Variants in NTF3 observed in about 807,000 individuals in gnomAD.
NTF3 encodes the protein neurotrophin 3, also known as neurotrophin-3.
A neutral mutation model predicts 26.3 loss-of-function variants in NTF3; 8 were observed. The observed-to-expected ratio is 0.30, with a 90% CI of 0.18 to 0.55. The LOEUF (loss-of-function observed/expected upper bound fraction) is 0.55, where lower values mean the gene tolerates loss of function less well. NTF3 is among the 20% of genes least tolerant of loss of function. The pLI is 0.93. For synonymous variants in NTF3, 154 were observed against 145.5 expected (o/e 1.06, Z -0.42); for missense variants, 276 against 352.9 (o/e 0.78, Z 1.75).
chr12:5,482,103 T>C (rs1420399503), intron 1 of NTF3, among the ~76,000 whole-genome samples: 1 of 151,770 alleles, frequency 6.6e-6, no homozygotes. Flanking sequence ...ACTACATACA[T>C]AGAGACATAC....
At chr12:5,448,183 C>CT (rs1387947629) in intron 1 of NTF3, among the ~76,000 whole-genome samples, 1 of 152,204 alleles carries the variant, frequency 6.6e-6, no homozygotes, top group East Asian at 1.9e-4. Flanking sequence ...TGTCCCCTGC[C>CT]TTTTTTGTTT....
chr12:5,491,529 A>G (rs986692418), intron 1 of NTF3, among the ~76,000 whole-genome samples: 2 of 152,076 alleles, frequency 1.3e-5, no homozygotes, highest in African/African-American at 4.8e-5. Flanking sequence ...CAGCTTTGGA[A>G]CCAGGCACTG....
chr12:5,468,898 A>T (rs1940627503), intron 1 of NTF3, among the ~76,000 whole-genome samples: 1 of 152,306 alleles, frequency 6.6e-6, no homozygotes. Flanking sequence ...AGGCAGGTGG[A>T]TCGCTTTAGC....
At chr12:5,468,566 ATATGAGG>A (rs1565391846) in intron 1 of NTF3, among the ~76,000 whole-genome samples, 1 of 152,206 alleles carries the variant, frequency 6.6e-6, no homozygotes, top group Non-Finnish European at 1.5e-5. Context: ...GAAAGAAAAG[ATATGAGG>A]CAGCCCAGGG....
At chr12:5,435,072 C>T (rs908345553) in intron 1 of NTF3, among the ~76,000 whole-genome samples, 5 of 152,080 alleles carry the variant, frequency 3.3e-5, no homozygotes, top group Admixed American at 1.3e-4. Flanking sequence ...GAGGGATGTA[C>T]ATTTAAGGGG....
chr12:5,435,890 G>A (rs1170290298), intron 1 of NTF3, among the ~76,000 whole-genome samples: 2 of 152,170 alleles, frequency 1.3e-5, no homozygotes, highest in Non-Finnish European at 1.5e-5. Context: ...GAAAACTAGC[G>A]AGGTGGATAG....
intron 1 of NTF3, among the ~76,000 whole-genome samples, chr12:5,466,054 G>A (rs1940585301): frequency 6.6e-6 from 1 of 152,188 alleles, no homozygotes; most frequent in African/African-American, 2.4e-5. Context: ...TGCCCAATGT[G>A]TCTCAGCCTC....
At chr12:5,493,538 A>G (rs1339497937) in intron 1 of NTF3, among the ~76,000 whole-genome samples, 4 of 152,106 alleles carry the variant, frequency 2.6e-5, no homozygotes, top group African/African-American at 9.7e-5. Flanking sequence ...ATGCGTATGT[A>G]TCAGAAAGCT....
chr12:5,450,655 C>T (rs559438190), intron 1 of NTF3, among the ~76,000 whole-genome samples: 2 of 152,294 alleles, frequency 1.3e-5, no homozygotes, highest in African/African-American at 2.4e-5. Context: ...GCCCTCTGTA[C>T]GTGATCTCAG....
At position 5,432,136 on chromosome 12, in the gene NTF3, G is replaced by T; in HGVS notation, c.-189G>T. 2 of 690,802 alleles carry T rather than the reference G, an allele frequency of 2.9e-6. No individual in the cohort carries two copies. Among genetic ancestry groups the T allele is most frequent in the Admixed American group, 2.1e-5 (1 of 48,556 alleles). The allele number at this position is 690,802 out of a possible 1,614,324, so 42.8% of individuals were successfully genotyped here. On this transcript the variant is annotated 5_prime_UTR_variant, in exon 1 of 2. Coordinates refer to ENST00000423158, the MANE Select transcript of NTF3 (RefSeq NM_001102654.2). The stretch of plus-strand genomic sequence containing the variant: ...CAGAGTTGAAGCTCCTCTCCCTTCC[G>T]AACAGCTCCGCGCACCGCCCCGCGA...
In NTF3 at chr12:5,494,238, A is replaced by G; in HGVS notation, c.63A>G (p.Ile21Met). ...TGATGTCCATCTTGTTTTATGTGAT[A>G]TTTCTCGCTTATCTCCGTGGCATCC... ...NKVMSILFYV[I>M]FLAYLRGIQG... Residue 21 changes from isoleucine to methionine, a missense_variant, in exon 2 of 2, where the codon ATA becomes ATG. By Grantham distance (10) the Ile-to-Met change is conservative. Coordinates refer to ENST00000423158, the MANE Select transcript of NTF3 (RefSeq NM_001102654.2). The surrounding 1 kb of genome is among the most constrained non-coding windows in gnomAD (Gnocchi z 8.3). The G allele has an allele frequency of 6.2e-7, 1 of 1,614,080 alleles. No homozygotes were observed. The highest frequency in any genetic ancestry group is 8.5e-7 in the Non-Finnish European group (1 of 1,180,020).
chr12:5,469,607 C>G (rs574632417), intron 1 of NTF3, among the ~76,000 whole-genome samples: 1 of 152,286 alleles, frequency 6.6e-6, no homozygotes, highest in Non-Finnish European at 1.5e-5. Flanking sequence ...TAATCTAGAA[C>G]TAACCCTGAC....
At chr12:5,473,346 G>A (rs963391219) in intron 1 of NTF3, among the ~76,000 whole-genome samples, 1 of 152,174 alleles carries the variant, frequency 6.6e-6, no homozygotes, top group African/African-American at 2.4e-5. Context: ...AAATCCGGTA[G>A]TTACCTAGAG....
At chr12:5,492,909 C>T (rs1355393481) in intron 1 of NTF3, among the ~76,000 whole-genome samples, 1 of 152,174 alleles carries the variant, frequency 6.6e-6, no homozygotes, top group Non-Finnish European at 1.5e-5. Flanking sequence ...CTATTTTCCC[C>T]CTGGACTTAG....
chr12:5,476,135 TC>T (rs1940721181), intron 1 of NTF3, among the ~76,000 whole-genome samples: 1 of 152,124 alleles, frequency 6.6e-6, no homozygotes, highest in African/African-American at 2.4e-5. Context: ...TAATCACACT[TC>T]CTGGTTGACC....
chr12:5,434,419 G>A (rs1223006023), intron 1 of NTF3, among the ~76,000 whole-genome samples: 2 of 152,056 alleles, frequency 1.3e-5, no homozygotes, highest in Non-Finnish European at 2.9e-5. Context: ...TCTATGGAGT[G>A]AGATTGTGAC....
chr12:5,478,781 C>T (rs980065175), intron 1 of NTF3, among the ~76,000 whole-genome samples: 9 of 152,232 alleles, frequency 5.9e-5, no homozygotes, highest in East Asian at 3.8e-4. Flanking sequence ...CAGAAGAGCT[C>T]GTCTGTTGCC....
At position 5,432,304 on chromosome 12, in the gene NTF3, G is replaced by A. The variant is rs375527477; in HGVS notation, c.-21G>A. The A allele has an allele frequency of 2.5e-6, 4 of 1,613,328 alleles. No individual in the cohort carries two copies. The highest frequency in any genetic ancestry group is 3.4e-6 in the Non-Finnish European group (4 of 1,179,804). Reference sequence around the variant, plus strand: ...CCTTTCTCTTCATGTCGACGTCCCTGGAAACGGCCACACGGATGCCATGGT... The same window carrying A: ...CCTTTCTCTTCATGTCGACGTCCCTAGAAACGGCCACACGGATGCCATGGT... On this transcript the variant is annotated 5_prime_UTR_variant, in exon 1 of 2. Transcript: ENST00000423158.
chr12:5,467,898 A>G (rs192695678), intron 1 of NTF3, among the ~76,000 whole-genome samples: 2 of 152,130 alleles, frequency 1.3e-5, no homozygotes, highest in East Asian at 3.9e-4. Flanking sequence ...CTCCTTGGAC[A>G]CCCTTGAAAG....
Sources: gnomAD v4.1 joint callset for allele counts (sites outside exome capture counted in the v4.1 genomes callset) on GRCh38, gnomAD v4.1.1 for gene constraint, Gnocchi (gnomAD v3.1) non-coding constraint, MANE v1.5 for transcripts, NCBI Gene and HGNC (gene_info 2026-07-23, HGNC 2026-07-21) for gene names.